The following NGLY1 variants were observed in gnomAD, a reference collection of about 807,000 sequenced individuals.
The protein encoded by NGLY1 is N-glycanase 1.
A neutral mutation model predicts 84.6 loss-of-function variants in NGLY1; 68 were observed. The observed-to-expected ratio is 0.80, with a 90% CI of 0.66 to 0.98. The LOEUF is 0.98. Among genes scored for constraint, NGLY1 ranks in the 50% least tolerant of loss-of-function variants. NGLY1 has a pLI of 0.00. For missense variants in NGLY1, 779 were observed against 770.2 expected (o/e 1.01, Z -0.14); for synonymous variants, 280 against 275.2 (o/e 1.02, Z -0.17).
chr3:25,775,135 T>C lies in NGLY1; in HGVS notation c.246+3439A>G, dbSNP rs189867049. On this transcript the variant is annotated intron_variant, in intron 2 of 11. Transcript: ENST00000280700. Reference sequence around the variant, plus strand: ...CAGGTTTTCCTCTGTCTCATGGAATTTGCAGCAGCAAGCTGCTTTTTTCAA... The same window carrying C: ...CAGGTTTTCCTCTGTCTCATGGAATCTGCAGCAGCAAGCTGCTTTTTTCAA... Among the ~76,000 whole-genome samples the C allele has an allele frequency of 3.9e-3, 593 of 152,356 alleles. 4 individuals are homozygous for C. The highest frequency in any genetic ancestry group is 0.014 in the African/African-American group (566 of 41,588).
chr3:25,765,338 T>C (rs952756891), intron 2 of NGLY1, among the ~76,000 whole-genome samples: 2 of 151,636 alleles, frequency 1.3e-5, no homozygotes, highest in African/African-American at 4.9e-5. Flanking sequence ...CGGGTGCCTG[T>C]AATCCCAGCT....
chr3:25,750,668 A>G (rs76614904), intron 4 of NGLY1, among the ~76,000 whole-genome samples: 4,238 of 152,336 alleles, frequency 0.028, 82 homozygotes, highest in South Asian at 0.07. Context: ...AAATTGAAAA[A>G]AAAGGTGATA....
chr3:25,755,038 A>G (rs1282490843), intron 3 of NGLY1: 1 of 1,097,408 alleles, frequency 9.1e-7, no homozygotes, highest in African/African-American at 1.5e-5. Context: ...TTATAAATCA[A>G]ATTTTGGAAT....
In NGLY1 at chr3:25,719,104, G is replaced by A. The variant is rs1164494996; in HGVS notation, c.*356C>T. 1 of 159,404 alleles carries A rather than the reference G, an allele frequency of 6.3e-6. No individual in the cohort carries two copies. The highest frequency in any genetic ancestry group is 2.4e-5 in the African/African-American group (1 of 41,726). 9.9% of individuals were successfully genotyped at this position (159,404 alleles called of 1,614,324 possible). A position where few individuals can be genotyped will look rare whatever the true frequency, so the allele number is the denominator to read the frequency against. The stretch of plus-strand genomic sequence containing the variant: ...TTCTGAAGAAATGAATGGCTGATCA[G>A]AAAATGTCAAATTACTATCATAAGC... On this transcript the variant is annotated 3_prime_UTR_variant, in exon 12 of 12. Coordinates refer to ENST00000280700, the MANE Select transcript of NGLY1 (RefSeq NM_018297.4).
intron 1 of NGLY1, among the ~76,000 whole-genome samples, chr3:25,779,134 A>C (rs1708293448): frequency 6.6e-6 from 1 of 151,792 alleles, no homozygotes; most frequent in South Asian, 2.1e-4. Flanking sequence ...ACAGGGTTTC[A>C]CCATGTCGAC....
intron 10 of NGLY1, among the ~76,000 whole-genome samples, chr3:25,721,426 C>T (rs1426318108): frequency 6.6e-6 from 1 of 152,092 alleles, no homozygotes; most frequent in Non-Finnish European, 1.5e-5. Flanking sequence ...GTACTTGGTT[C>T]TTACATTAAG....
intron 2 of NGLY1, among the ~76,000 whole-genome samples, chr3:25,767,214 C>T (rs1396718018): frequency 2.6e-5 from 4 of 151,798 alleles, no homozygotes; most frequent in Non-Finnish European, 5.9e-5. Flanking sequence ...ATCGCTTGAA[C>T]CCAGGAGGCA....
chr3:25,719,518 C>CTT lies in NGLY1; in HGVS notation c.1905_1906dup (p.Ser636LysfsTer3). The stretch of plus-strand genomic sequence containing the variant: ...ACAATTTTCTTCATGGTCATTTAAG[C>CTT]TTTGTCTAAACAGCTGGGTGTGTTG... On this transcript the variant is annotated frameshift_variant, in exon 12 of 12. Transcript: ENST00000280700. LOFTEE classifies it high-confidence loss of function. 6.2e-7 allele frequency: 1 copy of CTT among 1,613,906 alleles called. No homozygotes were observed. The highest frequency in any genetic ancestry group is 1.1e-5 in the South Asian group (1 of 91,056).
rs750626061 is a variant in NGLY1, at chr3:25,751,080, A to C, written c.658+18T>G. 2.5e-6 allele frequency: 4 copies of C among 1,598,478 alleles called. No homozygotes were observed. Among genetic ancestry groups the C allele is most frequent in the Non-Finnish European group, 3.4e-6 (4 of 1,172,132 alleles). ...AATGATTTACATTTAGCAATAAATG[A>C]TTATGTAAAGCTACTACCTTTATCC... On this transcript the variant is annotated intron_variant, in intron 4 of 11. Transcript: ENST00000280700.
chr3:25,738,067 TGAG>T (rs1441096461), intron 5 of NGLY1, among the ~76,000 whole-genome samples: 1 of 152,056 alleles, frequency 6.6e-6, no homozygotes, highest in African/African-American at 2.4e-5. Context: ...AAGTGGCTGG[TGAG>T]GAGAGCTTTT....
At position 25,720,061 on chromosome 3, in the gene NGLY1, A is replaced by G; in HGVS notation, c.1742T>C (p.Val581Ala). 1.2e-6 allele frequency: 2 copies of G among 1,613,844 alleles called. No homozygotes were observed. Among genetic ancestry groups the G allele is most frequent in the Non-Finnish European group, 1.7e-6 (2 of 1,179,850 alleles). Residue 581 changes from valine to alanine, a missense_variant, in exon 11 of 12, where the codon GTA becomes GCA. Val to Ala is a moderately conservative substitution (Grantham distance 64, BLOSUM62 0). Transcript: ENST00000280700. ...TGTATCAGATCGCAATTTCCATTCT[A>G]CTGTTCCAGTCTGAAAAGTTTGACT... Reference protein sequence around the residue: ...TSSQTFQTGTVEWKLRSDTAQ... With the variant: ...TSSQTFQTGTAEWKLRSDTAQ...
At position 25,740,084 on chromosome 3, in the gene NGLY1, A is replaced by G. The variant is rs1282097732; in HGVS notation, c.659-285T>C. Among the ~76,000 whole-genome samples the G allele has an allele frequency of 2.0e-5, 3 of 152,206 alleles. No individual in the cohort carries two copies. In the East Asian group the frequency reaches 5.8e-4, roughly 29 times the overall value. On this transcript the variant is annotated intron_variant, in intron 4 of 11. Transcript: ENST00000280700. ...GCTGAACACAATGACCTCTTAGGGAACTATAGTCAGTTAGGAATTGATCCT... is the reference window on the plus strand; with the variant it reads ...GCTGAACACAATGACCTCTTAGGGAGCTATAGTCAGTTAGGAATTGATCCT...
At chr3:25,737,197 T>C in intron 6 of NGLY1, 137 bp downstream of exon 6, 1 of 642,384 alleles carries the variant, frequency 1.6e-6, no homozygotes, top group Non-Finnish European at 2.6e-6. Flanking sequence ...TTGGTATTAT[T>C]ACTGTTTTAC....
intron 2 of NGLY1, 110 bp downstream of exon 2, chr3:25,778,464 C>T: frequency 1.8e-6 from 1 of 544,276 alleles, no homozygotes; most frequent in Non-Finnish European, 3.2e-6. Context: ...TCTACTGATT[C>T]CCAAAATGAT....
chr3:25,737,095 G>T, intron 6 of NGLY1: 1 of 352,240 alleles, frequency 2.8e-6, no homozygotes, highest in Non-Finnish European at 5.1e-6. Flanking sequence ...AAAAATAAAG[G>T]GGAAAAAAAG....
At chr3:25,750,676 A>G (rs776117949) in intron 4 of NGLY1, among the ~76,000 whole-genome samples, 2 of 152,200 alleles carry the variant, frequency 1.3e-5, no homozygotes, top group Non-Finnish European at 2.9e-5. Context: ...AAAAAAGGTG[A>G]TATGTGACCA....
intron 3 of NGLY1, among the ~76,000 whole-genome samples, chr3:25,761,100 C>T (rs867755351): frequency 3.8e-4 from 57 of 151,190 alleles, no homozygotes; most frequent in African/African-American, 1.4e-3. Context: ...AAACACATAC[C>T]CATATATAAA....
rs139552049 is a variant in NGLY1 at position 25,730,173 on chromosome 3, A to G, written c.1426-855T>C. 2.4e-3 allele frequency: 358 copies of G among 152,148 alleles called. 2 individuals carry two copies. The highest frequency in any genetic ancestry group is 8.0e-3 in the African/African-American group (332 of 41,548). 9.4% of individuals were successfully genotyped at this position (152,148 alleles called of 1,614,324 possible). Reference sequence around the variant, plus strand: ...CATTCTAGTCCAAAATAACATTAATATTTTATAAAATATTTTAATTCTAAG... The same window carrying G: ...CATTCTAGTCCAAAATAACATTAATGTTTTATAAAATATTTTAATTCTAAG... On this transcript the variant is annotated intron_variant, in intron 9 of 11. Transcript: ENST00000280700.
At chr3:25,754,825 G>A in intron 3 of NGLY1, 1 of 499,460 alleles carries the variant, frequency 2.0e-6, no homozygotes, top group Non-Finnish European at 3.6e-6. Flanking sequence ...AACTGGGTCA[G>A]CACTTGAACC....
Sources: gnomAD v4.1 joint callset for allele counts (sites outside exome capture counted in the v4.1 genomes callset) on GRCh38, gnomAD v4.1.1 for gene constraint, MANE v1.5 for transcripts, NCBI Gene and HGNC (gene_info 2026-07-23, HGNC 2026-07-21) for gene names.